The following DCC variants were observed in gnomAD, a reference collection of about 807,000 sequenced individuals.
The protein encoded by DCC is netrin receptor DCC.
A neutral mutation model predicts 172.5 loss-of-function variants in DCC; 58 were observed. The observed-to-expected ratio is 0.34, with a 90% confidence interval of 0.27 to 0.42. DCC has a LOEUF of 0.42. DCC is among the 10% of genes least tolerant of loss of function. The pLI, the probability that DCC is intolerant of heterozygous loss-of-function variation, is 1.00. For synonymous variants in DCC, 709 were observed against 644.5 expected, an observed-to-expected ratio of 1.10 and a Z score of -1.52; for missense variants, 1,740 against 1,791.0, an observed-to-expected ratio of 0.97 and a Z score of 0.51.
intron 1 of DCC, among the ~76,000 whole-genome samples, chr18:52,369,378 T>A (rs370960724): frequency 1.3e-5 from 2 of 152,196 alleles, no homozygotes; most frequent in African/African-American, 4.8e-5. Context: ...GAATAATTTT[T>A]ACAAACACCT....
chr18:53,088,571 A>G (rs943747381), intron 7 of DCC, among the ~76,000 whole-genome samples: 7 of 152,198 alleles, frequency 4.6e-5, no homozygotes, highest in African/African-American at 1.4e-4. Context: ...AAATAAGAGC[A>G]GAACTGAAGG....
At chr18:52,918,151 A>G (rs2040068558) in intron 3 of DCC, among the ~76,000 whole-genome samples, 1 of 152,184 alleles carries the variant, frequency 6.6e-6, no homozygotes, top group African/African-American at 2.4e-5. Context: ...TGTATGTGTC[A>G]ACCAATTTAT....
chr18:53,069,334 A>G (rs1258013490), intron 7 of DCC, among the ~76,000 whole-genome samples: 1 of 152,176 alleles, frequency 6.6e-6, no homozygotes, highest in Admixed American at 6.5e-5. Context: ...AAAGGAGAGG[A>G]CAACATTAAG....
chr18:52,698,537 G>C (rs1475285518), intron 1 of DCC, among the ~76,000 whole-genome samples: 1 of 151,762 alleles, frequency 6.6e-6, no homozygotes, highest in South Asian at 2.1e-4. Context: ...GCTCCCCATT[G>C]TTCTACCATG....
chr18:53,513,710 C>A (rs2046292452), intron 27 of DCC, among the ~76,000 whole-genome samples: 1 of 151,486 alleles, frequency 6.6e-6, no homozygotes, highest in Non-Finnish European at 1.5e-5. Flanking sequence ...TCAAAAGAGA[C>A]AAAGAAGACC....
chr18:52,575,576 T>TGACTA (rs2033389155), intron 1 of DCC, among the ~76,000 whole-genome samples: 2 of 152,284 alleles, frequency 1.3e-5, no homozygotes, highest in South Asian at 2.1e-4. Context: ...TACCATTCTT[T>TGACTA]GACTATTTGA....
intron 2 of DCC, among the ~76,000 whole-genome samples, chr18:52,870,901 G>A (rs769636522): frequency 2.0e-5 from 3 of 152,024 alleles, no homozygotes; most frequent in African/African-American, 4.8e-5. Flanking sequence ...ACTTAGGCTC[G>A]CTCTTTACTG....
chr18:53,336,590 A>G (rs1044824463), intron 14 of DCC, among the ~76,000 whole-genome samples: 5 of 152,194 alleles, frequency 3.3e-5, no homozygotes, highest in Non-Finnish European at 5.9e-5. Flanking sequence ...GTAGACTCAC[A>G]TCGATAATTC....
At chr18:52,457,222 G>A (rs775321245) in intron 1 of DCC, among the ~76,000 whole-genome samples, 6 of 152,170 alleles carry the variant, frequency 3.9e-5, no homozygotes, top group Non-Finnish European at 8.8e-5. Context: ...GGAATTTAAT[G>A]CAATATGATA....
chr18:53,057,005 A>C (rs762943757), intron 5 of DCC, among the ~76,000 whole-genome samples: 1 of 150,454 alleles, frequency 6.6e-6, no homozygotes, highest in Non-Finnish European at 1.5e-5. Context: ...GTGATATTTT[A>C]AAATTGACCC....
At chr18:52,451,155 G>A (rs555702159) in intron 1 of DCC, among the ~76,000 whole-genome samples, 1 of 152,126 alleles carries the variant, frequency 6.6e-6, no homozygotes, top group Admixed American at 6.6e-5. Context: ...CCCAAAGTAT[G>A]TCTTTCCTCC....
intron 9 of DCC, among the ~76,000 whole-genome samples, 159 bp downstream of exon 9, chr18:53,179,275 C>T (rs763971208): frequency 2.6e-5 from 4 of 152,166 alleles, no homozygotes; most frequent in African/African-American, 9.7e-5. Flanking sequence ...TAAAAGATAA[C>T]TTGTAAATAG....
At chr18:52,994,009 G>T (rs2041438519) in intron 5 of DCC, among the ~76,000 whole-genome samples, 1 of 151,970 alleles carries the variant, frequency 6.6e-6, no homozygotes, top group Non-Finnish European at 1.5e-5. Context: ...GTTGAGAGTT[G>T]CCCACACTGA....
intron 12 of DCC, among the ~76,000 whole-genome samples, chr18:53,290,274 A>G (rs762368908): frequency 6.7e-4 from 102 of 152,220 alleles, no homozygotes; most frequent in Admixed American, 2.0e-3. Flanking sequence ...GGAGAAAGCC[A>G]CAAAACACTT....
At chr18:52,637,136 G>A (rs571793264) in intron 1 of DCC, among the ~76,000 whole-genome samples, 257 of 152,266 alleles carry the variant, frequency 1.7e-3, no homozygotes, top group African/African-American at 5.9e-3. Flanking sequence ...ATACATCAAA[G>A]GAACACCCCA....
intron 20 of DCC, among the ~76,000 whole-genome samples, chr18:53,412,961 A>G (rs765179696): frequency 3.3e-5 from 5 of 152,262 alleles, no homozygotes; most frequent in Admixed American, 2.6e-4. Flanking sequence ...TGATTACTTG[A>G]CCACATAGGA....
At chr18:52,388,031 G>A (rs1008716621) in intron 1 of DCC, among the ~76,000 whole-genome samples, 1 of 151,978 alleles carries the variant, frequency 6.6e-6, no homozygotes, top group Non-Finnish European at 1.5e-5. Context: ...TCACATCGTG[G>A]TCTATGTGAG....
At chr18:53,263,551 A>G (rs988806329) in intron 12 of DCC, among the ~76,000 whole-genome samples, 1 of 152,182 alleles carries the variant, frequency 6.6e-6, no homozygotes, top group Non-Finnish European at 1.5e-5. Flanking sequence ...GATTTTATGA[A>G]CAGAAGTAGT....
At chr18:52,757,776 T>A (rs979891001) in intron 2 of DCC, among the ~76,000 whole-genome samples, 1 of 152,176 alleles carries the variant, frequency 6.6e-6, no homozygotes, top group African/African-American at 2.4e-5. Flanking sequence ...CTCTATACAT[T>A]ACCTTGTAAT....
Sources: gnomAD v4.1 joint callset for allele counts (sites outside exome capture counted in the v4.1 genomes callset) on GRCh38, gnomAD v4.1.1 for gene constraint, MANE v1.5 for transcripts, NCBI Gene and HGNC (gene_info 2026-07-23, HGNC 2026-07-21) for gene names.